The following KLHL1 variants were observed in gnomAD, a reference collection of about 807,000 sequenced individuals.
KLHL1 encodes kelch-like protein 1.
Under a neutral mutation model 77.7 loss-of-function variants are expected in KLHL1, and 47 were observed. The observed-to-expected ratio is 0.60, with a 90% CI of 0.48 to 0.77. The LOEUF is 0.77. Ranked by LOEUF, KLHL1 falls within the 30% of genes least tolerant of loss-of-function variation. KLHL1 has a pLI of 0.00. For missense variants in KLHL1, 925 were observed against 910.8 expected, an observed-to-expected ratio of 1.02 and a Z score of -0.20; for synonymous variants, 360 against 325.2, an observed-to-expected ratio of 1.11 and a Z score of -1.15.
intron 4 of KLHL1, among the ~76,000 whole-genome samples, chr13:69,900,204 C>T (rs969415657): frequency 3.3e-5 from 5 of 152,082 alleles, no homozygotes; most frequent in Non-Finnish European, 7.4e-5. Flanking sequence ...TCATTGGTAT[C>T]ATATACTTAA....
chr13:70,077,826 AAAT>A (rs1204446164), intron 1 of KLHL1, among the ~76,000 whole-genome samples: 1 of 152,066 alleles, frequency 6.6e-6, no homozygotes, highest in Admixed American at 6.6e-5. Context: ...AAGTTAAGAA[AAAT>A]AATATCTTAT....
rs1566582142 is a variant in KLHL1 at position 70,107,444 on chromosome 13, A to G, written c.256T>C (p.Ser86Pro). ...SSSSSSPSSS[S>P]SSFNPLNGTL... ...CCATTCAGCGGATTGAAGGAAGAGGAGGAAGAGGACGGGGAGGACGATGAA... is the reference window on the plus strand; with the variant it reads ...CCATTCAGCGGATTGAAGGAAGAGGGGGAAGAGGACGGGGAGGACGATGAA... Residue 86 changes from serine (S) to proline (P), a missense_variant, in exon 1 of 11, where the codon TCC becomes CCC. Coordinates refer to ENST00000377844, the MANE Select transcript of KLHL1 (RefSeq NM_020866.3). 15 of 1,614,098 alleles carry G rather than the reference A, an allele frequency of 9.3e-6. No homozygotes were observed. Among genetic ancestry groups the G allele is most frequent in the Non-Finnish European group, 1.3e-5 (15 of 1,179,990 alleles).
chr13:69,977,105 G>A (rs1402270788), intron 1 of KLHL1, among the ~76,000 whole-genome samples: 2 of 151,990 alleles, frequency 1.3e-5, no homozygotes, highest in African/African-American at 4.8e-5. Context: ...TTTAGGAAAA[G>A]ACATTCTTAT....
chr13:69,918,318 A>G (rs1319520634), intron 4 of KLHL1, among the ~76,000 whole-genome samples: 1 of 151,902 alleles, frequency 6.6e-6, no homozygotes, highest in Non-Finnish European at 1.5e-5. Flanking sequence ...TAGTTGATTT[A>G]TCTTTAAAAA....
chr13:69,943,646 CT>C lies in KLHL1; in HGVS notation c.818-3411del, dbSNP rs1301407637. On this transcript the variant is annotated intron_variant, in intron 3 of 10. Coordinates refer to ENST00000377844, the MANE Select transcript of KLHL1 (RefSeq NM_020866.3). ...TATATTTGTATATCAATTTTTGTTT[CT>C]TTTTGAAATGTGTATCTGCTGTTAT... 2.0e-5 allele frequency among the ~76,000 whole-genome samples: 3 copies of C among 151,760 alleles called. No homozygotes were observed. In the East Asian group the frequency reaches 5.8e-4, roughly 30 times the overall value.
intron 6 of KLHL1, among the ~76,000 whole-genome samples, chr13:69,825,402 T>C (rs1369557930): frequency 6.6e-6 from 1 of 152,104 alleles, no homozygotes; most frequent in Non-Finnish European, 1.5e-5. Flanking sequence ...CAAGAAATTT[T>C]TGATGGAAAG....
intron 1 of KLHL1, among the ~76,000 whole-genome samples, chr13:70,089,708 A>G (rs1440260282): frequency 6.6e-6 from 1 of 152,132 alleles, no homozygotes; most frequent in African/African-American, 2.4e-5. Flanking sequence ...ATTTTCCAAA[A>G]CATGTATTTT....
At chr13:69,774,136 T>A (rs1875708413) in intron 7 of KLHL1, among the ~76,000 whole-genome samples, 1 of 152,000 alleles carries the variant, frequency 6.6e-6, no homozygotes, top group Non-Finnish European at 1.5e-5. Context: ...TTACTCTTTT[T>A]AAACATATTT....
intron 7 of KLHL1, among the ~76,000 whole-genome samples, chr13:69,784,009 A>C (rs1876374429): frequency 1.3e-5 from 2 of 152,330 alleles, no homozygotes; most frequent in East Asian, 3.9e-4. Flanking sequence ...TACAAGCCAG[A>C]AGAGACTGGG....
At chr13:70,002,873 T>G (rs1260967041) in intron 1 of KLHL1, among the ~76,000 whole-genome samples, 1 of 151,670 alleles carries the variant, frequency 6.6e-6, no homozygotes, top group Non-Finnish European at 1.5e-5. Flanking sequence ...TTAAGCAAGT[T>G]ACAAATTCCA....
chr13:69,852,769 TAAAGA>T (rs1410005597), intron 5 of KLHL1, among the ~76,000 whole-genome samples: 2 of 152,006 alleles, frequency 1.3e-5, no homozygotes, highest in Non-Finnish European at 1.5e-5. Flanking sequence ...TTCTCCCAAG[TAAAGA>T]AAATTCCACT....
intron 3 of KLHL1, among the ~76,000 whole-genome samples, chr13:69,952,053 A>T (rs559360519): frequency 4.6e-5 from 7 of 151,446 alleles, no homozygotes; most frequent in Non-Finnish European, 7.4e-5. Context: ...TGGAAAACTT[A>T]AGTTAAATAA....
chr13:70,102,436 G>A (rs563000459), intron 1 of KLHL1, among the ~76,000 whole-genome samples: 46 of 152,142 alleles, frequency 3.0e-4, no homozygotes, highest in Admixed American at 2.4e-3. Context: ...TTTGACTAAG[G>A]CTTATCTAGA....
chr13:69,709,534 C>A (rs1300903329), intron 9 of KLHL1, among the ~76,000 whole-genome samples: 2 of 151,806 alleles, frequency 1.3e-5, no homozygotes, highest in Non-Finnish European at 2.9e-5. Context: ...TCAAACAGAC[C>A]AACTGTTAAA....
chr13:69,915,827 T>G (rs1485064410), intron 4 of KLHL1, among the ~76,000 whole-genome samples: 3 of 151,734 alleles, frequency 2.0e-5, no homozygotes, highest in African/African-American at 7.3e-5. Flanking sequence ...TGGGAGAAAA[T>G]TTTTGTAATC....
chr13:69,911,442 AG>A (rs967388298), intron 4 of KLHL1, among the ~76,000 whole-genome samples: 14 of 151,974 alleles, frequency 9.2e-5, no homozygotes, highest in African/African-American at 3.1e-4. Flanking sequence ...TATATTGCTG[AG>A]TAGCTCCATT....
intron 5 of KLHL1, among the ~76,000 whole-genome samples, chr13:69,843,023 CAG>C (rs978456608): frequency 2.0e-5 from 3 of 151,448 alleles, no homozygotes; most frequent in Non-Finnish European, 3.0e-5. Context: ...AGACAGATAA[CAG>C]AGACTGTAAA....
At chr13:69,790,014 AATTGTGGTCTCTATTTAACT>A (rs1199466200) in intron 7 of KLHL1, among the ~76,000 whole-genome samples, 1 of 152,092 alleles carries the variant, frequency 6.6e-6, no homozygotes, top group African/African-American at 2.4e-5. Flanking sequence ...ACCGAGATGT[AATTGTGGTCTCTATTTAACT>A]ATCAAGCTTC....
In KLHL1 at chr13:69,935,222, TA is replaced by T. The variant is rs1566419722; in HGVS notation, c.1014+4817del. Among the ~76,000 whole-genome samples, 96 of 149,958 alleles carry T rather than the reference TA, an allele frequency of 6.4e-4. 6 individuals carry two copies. Among genetic ancestry groups the T allele is most frequent in the African/African-American group, 2.3e-3 (92 of 40,694 alleles). ...ACATAGTTGGTACTGGTGAACTTGGTACATAGTTCACCCACTGGTGAACTTG... is the reference window on the plus strand; with the variant it reads ...ACATAGTTGGTACTGGTGAACTTGGTCATAGTTCACCCACTGGTGAACTTG... On this transcript the variant is annotated intron_variant, in intron 4 of 10. Transcript: ENST00000377844.
Sources: gnomAD v4.1 joint callset for allele counts (sites outside exome capture counted in the v4.1 genomes callset) on GRCh38, gnomAD v4.1.1 for gene constraint, MANE v1.5 for transcripts, NCBI Gene and HGNC (gene_info 2026-07-23, HGNC 2026-07-21) for gene names.